Variants in TFAP4 observed in about 807,000 individuals in gnomAD.
The protein encoded by TFAP4 is activating enhancer-binding protein 4.
Under a neutral mutation model 40.4 loss-of-function variants are expected in TFAP4, and 7 were observed. The observed-to-expected ratio is 0.17, with a 90% CI of 0.10 to 0.33. The LOEUF (loss-of-function observed/expected upper bound fraction) is 0.33. Ranked by LOEUF, TFAP4 falls within the 10% of genes least tolerant of loss-of-function variation. TFAP4 has a pLI of 1.00. For missense variants in TFAP4, 374 were observed against 451.1 expected, an observed-to-expected ratio of 0.83 and a Z score of 1.55; for synonymous variants, 218 against 181.4, an observed-to-expected ratio of 1.20 and a Z score of -1.62.
At chr16:4,269,317 G>A (rs1274366373) in intron 1 of TFAP4, among the ~76,000 whole-genome samples, 1 of 150,468 alleles carries the variant, frequency 6.6e-6, no homozygotes, top group Non-Finnish European at 1.5e-5. Flanking sequence ...CACAGTGAAA[G>A]CCTGTCTCTA....
At chr16:4,272,367 G>T (rs1360242414) in intron 1 of TFAP4, among the ~76,000 whole-genome samples, 1 of 152,100 alleles carries the variant, frequency 6.6e-6, no homozygotes, top group African/African-American at 2.4e-5. Context: ...ACCAAGCATG[G>T]CCGGGACTGC....
intron 4 of TFAP4, among the ~76,000 whole-genome samples, chr16:4,261,301 A>G (rs1317149758): frequency 1.3e-5 from 2 of 148,310 alleles, no homozygotes; most frequent in Admixed American, 1.3e-4. Flanking sequence ...TTTTTTTGAG[A>G]TGGAGTCTCG....
Position 4,261,938 on chromosome 16 carries a change from G to A in TFAP4, c.366C>T (p.Gly122=), listed in dbSNP as rs1488033566. 3.7e-6 allele frequency: 6 copies of A among 1,608,562 alleles called. No homozygotes were observed. Among genetic ancestry groups the A allele is most frequent in the Non-Finnish European group, 5.1e-6 (6 of 1,178,072 alleles). ...CTGCCCGCCGTCGCTTGGGGGACGA[G>A]CCGCTCAGCTCCTGGGGACCCCAAG... ...QLKRFIQELS[G]SSPKRRRAED... The change falls in exon 4 of 7, where the codon GGC becomes GGT. Residue 122 remains glycine (G), a synonymous_variant. Coordinates refer to ENST00000204517, the MANE Select transcript of TFAP4 (RefSeq NM_003223.3).
chr16:4,269,913 G>T (rs2053028279), intron 1 of TFAP4, among the ~76,000 whole-genome samples: 1 of 152,172 alleles, frequency 6.6e-6, no homozygotes, highest in Non-Finnish European at 1.5e-5. Context: ...GGGCGCAGTT[G>T]CTCATGCCTG....
chr16:4,262,319 C>T lies in TFAP4; in HGVS notation c.354+5G>A. The T allele has an allele frequency of 6.2e-7, 1 of 1,614,022 alleles. No individual in the cohort carries two copies. Among genetic ancestry groups the T allele is most frequent in the Non-Finnish European group, 8.5e-7 (1 of 1,179,968 alleles). ...GGAGAGGGAGCCATGAAGGACAGGG[C>T]GCACCTGGATGAAGCGCTTGAGCTG... is the stretch of plus-strand genomic sequence containing the variant. On this transcript the variant is annotated splice_donor_5th_base_variant and intron_variant, in intron 3 of 6. Coordinates refer to ENST00000204517, the MANE Select transcript of TFAP4 (RefSeq NM_003223.3).
intron 6 of TFAP4, among the ~76,000 whole-genome samples, chr16:4,259,830 C>T (rs2052929472): frequency 6.6e-6 from 1 of 152,202 alleles, no homozygotes; most frequent in Non-Finnish European, 1.5e-5. Flanking sequence ...GGACCCTCTC[C>T]GGAAACCCCA....
intron 6 of TFAP4, 46 bp from the exon 7 acceptor site, chr16:4,258,295 G>C (rs955388332): frequency 6.6e-7 from 1 of 1,510,978 alleles, no homozygotes; most frequent in Non-Finnish European, 8.9e-7. Context: ...GGGATACATG[G>C]CCAGCCAGGA....
chr16:4,267,226 G>A (rs138089742), intron 1 of TFAP4: 3,995 of 152,386 alleles, frequency 0.026, 153 homozygotes, highest in Admixed American at 0.097. Context: ...TAGAGATGGG[G>A]TTTCACCATG....
At position 4,260,141 on chromosome 16, in the gene TFAP4, C is replaced by G. The variant is rs142070465; in HGVS notation, c.771G>C (p.Ser257=). ...HINVVTMGPS[S]VINSVSTSRQ... is the part of the protein sequence containing the mutation. The stretch of plus-strand genomic sequence containing the variant: ...GGGATGTGGAAACAGAGTTGATGAC[C>G]GAGGAGGGGCCCATGGTGACGACAT... Residue 257 remains serine (S), a synonymous_variant, in exon 6 of 7, where the codon TCG becomes TCC. Coordinates refer to ENST00000204517, the MANE Select transcript of TFAP4 (RefSeq NM_003223.3). 5.3e-6 allele frequency: 8 copies of G among 1,520,742 alleles called. No individual in the cohort carries two copies. The East Asian group carries it at 8.1e-5, about 15-fold the overall frequency. The allele number at this position is 1,520,742 out of a possible 1,614,324, so 94.2% of individuals were successfully genotyped here.
At chr16:4,272,608 G>A in intron 1 of TFAP4, 50 bp downstream of exon 1, 1 of 1,471,368 alleles carries the variant, frequency 6.8e-7, no homozygotes, top group Non-Finnish European at 9.2e-7. Context: ...GGGCGGGCTG[G>A]CCGGGGGCTG....
chr16:4,262,810 C>T, intron 1 of TFAP4, 109 bp from the exon 2 acceptor site: 1 of 1,285,222 alleles, frequency 7.8e-7, no homozygotes, highest in East Asian at 2.3e-5. Flanking sequence ...AGATGCCAGG[C>T]CACCCCCAGA....
intron 1 of TFAP4, among the ~76,000 whole-genome samples, chr16:4,271,835 G>A (rs998187334): frequency 1.3e-5 from 2 of 152,362 alleles, no homozygotes; most frequent in African/African-American, 4.8e-5. Flanking sequence ...CGTGCCCGCG[G>A]GGGCCGAGCT....
Position 4,272,779 on chromosome 16 carries a change from G to A in TFAP4, c.-33C>T, listed in dbSNP as rs2053049662. On this transcript the variant is annotated 5_prime_UTR_variant, in exon 1 of 7. Coordinates refer to ENST00000204517, the MANE Select transcript of TFAP4 (RefSeq NM_003223.3). ...GGCCCCCCTCCTCTGCACGAGCCAG[G>A]TCCCGCGATCAGCCGGAGAATGCAA... 6.2e-7 allele frequency: 1 copy of A among 1,601,502 alleles called. No homozygotes were observed. Among genetic ancestry groups the A allele is most frequent in the South Asian group, 1.1e-5 (1 of 90,562 alleles).
intron 1 of TFAP4, among the ~76,000 whole-genome samples, chr16:4,269,771 C>CTGCACTCCAGCCTG (rs1314485135): frequency 6.6e-6 from 1 of 151,828 alleles, no homozygotes; most frequent in Non-Finnish European, 1.5e-5. Context: ...GATTGCGCCA[C>CTGCACTCCAGCCTG]TGCACTCCAG....
rs1407138497 is a variant in TFAP4 at position 4,257,905 on chromosome 16, C to T, written c.*150G>A. 6 of 788,220 alleles carry T rather than the reference C, an allele frequency of 7.6e-6. No homozygotes were observed. The highest frequency in any genetic ancestry group is 1.8e-5 in the African/African-American group (1 of 56,634). The allele number at this position is 788,220 out of a possible 1,614,324, so 48.8% of individuals were successfully genotyped here. A position where few individuals can be genotyped will look rare whatever the true frequency, so the allele number is the denominator to read the frequency against. The stretch of plus-strand genomic sequence containing the variant: ...GGGTTGAGTGGCTTCGTTCAAAGGT[C>T]GATTTACAGTATTGAAAAAGAGGTC... On this transcript the variant is annotated 3_prime_UTR_variant, in exon 7 of 7. Transcript: ENST00000204517.
intron 1 of TFAP4, chr16:4,263,878 G>C (rs1028101851): frequency 6.5e-6 from 1 of 152,694 alleles, no homozygotes; most frequent in Non-Finnish European, 1.5e-5. Context: ...CCAAGGCCAC[G>C]CTCCCGAGGG....
chr16:4,262,834 G>T, intron 1 of TFAP4, 133 bp from the exon 2 acceptor site: 2 of 1,027,250 alleles, frequency 1.9e-6, no homozygotes, highest in Non-Finnish European at 2.9e-6. Flanking sequence ...TGATGGAGGG[G>T]TGCTCTCTGG....
intron 6 of TFAP4, among the ~76,000 whole-genome samples, chr16:4,259,638 G>C (rs1285969465): frequency 2.0e-5 from 3 of 152,104 alleles, no homozygotes; most frequent in African/African-American, 7.2e-5. Flanking sequence ...GTTCAAGGGT[G>C]AATGCAACTG....
intron 1 of TFAP4, 98 bp downstream of exon 1, chr16:4,272,560 G>A: frequency 2.3e-6 from 2 of 862,586 alleles, no homozygotes; most frequent in Non-Finnish European, 1.6e-6. Flanking sequence ...AGCGGGGTCG[G>A]CGGCGCGGGC....
Sources: gnomAD v4.1 joint callset for allele counts (sites outside exome capture counted in the v4.1 genomes callset) on GRCh38, gnomAD v4.1.1 for gene constraint, MANE v1.5 for transcripts, NCBI Gene and HGNC (gene_info 2026-07-23, HGNC 2026-07-21) for gene names.